Variants in DOCK9 observed in about 807,000 individuals in gnomAD.
The protein encoded by DOCK9 is dedicator of cytokinesis 9.
A neutral mutation model predicts 263.3 loss-of-function variants in DOCK9; 89 were observed. The ratio of observed to expected loss-of-function variants is 0.34; its 90% CI spans 0.28 to 0.40. The LOEUF (loss-of-function observed/expected upper bound fraction) is 0.40. DOCK9 is among the 10% of genes least tolerant of loss of function. The pLI is 1.00. For synonymous variants in DOCK9, 976 were observed against 973.1 expected (o/e 1.00, Z -0.06); for missense variants, 2,140 against 2,603.4 (o/e 0.82, Z 3.87).
At chr13:99,071,749 T>TA (rs1317360527) in intron 1 of DOCK9, among the ~76,000 whole-genome samples, 2 of 152,168 alleles carry the variant, frequency 1.3e-5, no homozygotes, top group African/African-American at 4.8e-5. Flanking sequence ...TTCTATATAG[T>TA]ACCAATCCTT....
chr13:98,909,288 T>A (rs145891503), intron 9 of DOCK9, among the ~76,000 whole-genome samples: 10 of 152,326 alleles, frequency 6.6e-5, no homozygotes, highest in Non-Finnish European at 1.5e-4. Flanking sequence ...TGACACACCC[T>A]GACAAGGTTT....
intron 1 of DOCK9, among the ~76,000 whole-genome samples, chr13:98,997,428 G>A (rs1881308103): frequency 6.6e-6 from 1 of 152,236 alleles, no homozygotes; most frequent in Admixed American, 6.5e-5. Context: ...CCGCACCTCA[G>A]AGTTGCTTTG....
At chr13:99,018,738 A>G (rs1885722993) in intron 1 of DOCK9, among the ~76,000 whole-genome samples, 1 of 152,234 alleles carries the variant, frequency 6.6e-6, no homozygotes. Context: ...GAAAATTACC[A>G]TGAATTTCAT....
chr13:98,901,932 G>C, intron 12 of DOCK9, 32 bp from the exon 13 acceptor site: 1 of 1,605,558 alleles, frequency 6.2e-7, no homozygotes, highest in Middle Eastern at 1.7e-4. Context: ...TCAGTAAGCA[G>C]AATTCACAGC....
intron 1 of DOCK9, among the ~76,000 whole-genome samples, chr13:98,994,168 G>A (rs554700690): frequency 5.3e-5 from 8 of 152,246 alleles, no homozygotes; most frequent in South Asian, 2.1e-4. Flanking sequence ...GGCTGTTGGC[G>A]TGAGTCCCAA....
rs558071529 is a variant in DOCK9, at chr13:98,831,804, C to A, written c.4315-18G>T. On this transcript the variant is annotated intron_variant, in intron 39 of 52. Coordinates refer to ENST00000682017, the MANE Select transcript of DOCK9 (RefSeq NM_001366683.2). ...AGCTGGTTCTTAAAACACACATTGA[C>A]GGCTTTGTTAGACATACCAGTCACC... is the stretch of plus-strand genomic sequence containing the variant. The A allele has an allele frequency of 1.2e-6, 2 of 1,612,142 alleles. No individual in the cohort carries two copies. Among genetic ancestry groups the A allele is most frequent in the African/African-American group, 1.3e-5 (1 of 74,874 alleles).
chr13:98,852,926 A>G (rs538825779), intron 35 of DOCK9, among the ~76,000 whole-genome samples: 5 of 152,304 alleles, frequency 3.3e-5, no homozygotes, highest in East Asian at 3.9e-4. Context: ...CTAAAATAAC[A>G]TATCTCCCAC....
chr13:98,847,691 G>A (rs1336438020), intron 37 of DOCK9: 9 of 152,094 alleles, frequency 5.9e-5, no homozygotes, highest in African/African-American at 1.2e-4. Flanking sequence ...CAAAATTGTC[G>A]ATATATAGAG....
Position 98,885,068 on chromosome 13 carries a change from A to G in DOCK9, c.2285T>C (p.Leu762Pro). 1 of 1,613,644 alleles carries G rather than the reference A, an allele frequency of 6.2e-7. No homozygotes were observed. Among genetic ancestry groups the G allele is most frequent in the Non-Finnish European group, 8.5e-7 (1 of 1,179,778 alleles). Residue 762 changes from leucine (L) to proline (P), a missense_variant, in exon 21 of 53, where the codon CTG becomes CCG. Physicochemically the swap from Leu to Pro is moderately conservative, Grantham distance 98. Transcript: ENST00000682017. The part of the protein sequence containing the change: ...TQVGYSWLPL[L>P]KDGRVVTSEQ... ...GCTTGTCACCACCCTTCCGTCTTTC[A>G]GGAGGGGAAGCCAGGAGTAGCCAAC...
intron 27 of DOCK9, among the ~76,000 whole-genome samples, chr13:98,878,720 A>G (rs1021024434): frequency 1.2e-4 from 19 of 152,242 alleles, no homozygotes; most frequent in Admixed American, 6.5e-4. Context: ...ACTGGATTCA[A>G]AAGAGAGAGA....
At position 98,893,870 on chromosome 13, in the gene DOCK9, C is replaced by T. The variant is rs115150633; in HGVS notation, c.1709+3618G>A. 7.4e-3 allele frequency among the ~76,000 whole-genome samples: 1,123 copies of T among 152,298 alleles called. 17 individuals carry two copies. The highest frequency in any genetic ancestry group is 0.025 in the African/African-American group (1,057 of 41,560). On this transcript the variant is annotated intron_variant, in intron 15 of 52. Transcript: ENST00000682017. The stretch of plus-strand genomic sequence containing the variant: ...TTTGAATACTTATTGAGGAGCGTGG[C>T]CTCACTTATCCTGCTGTGTCTTCTA...
At chr13:98,808,487 T>C (rs1194153406) in intron 47 of DOCK9, among the ~76,000 whole-genome samples, 1 of 152,058 alleles carries the variant, frequency 6.6e-6, no homozygotes, top group Admixed American at 6.5e-5. Flanking sequence ...TTTTTTAAAG[T>C]TTCTCACGTA....
At chr13:98,801,000 G>A (rs939596310) in intron 49 of DOCK9, among the ~76,000 whole-genome samples, 34 of 152,188 alleles carry the variant, frequency 2.2e-4, no homozygotes, top group African/African-American at 8.2e-4. Flanking sequence ...TATTCCTAGG[G>A]TGGGTACAGT....
intron 1 of DOCK9, among the ~76,000 whole-genome samples, chr13:98,961,626 A>G (rs969145411): frequency 1.3e-5 from 2 of 152,148 alleles, no homozygotes; most frequent in African/African-American, 4.8e-5. Flanking sequence ...CTCTCATGAC[A>G]GTCCTCGGCT....
chr13:99,013,608 G>T (rs991370212), intron 1 of DOCK9, among the ~76,000 whole-genome samples: 1 of 152,142 alleles, frequency 6.6e-6, no homozygotes, highest in Non-Finnish European at 1.5e-5. Context: ...CACTGAGAAG[G>T]GGGTCTGAGC....
chr13:98,887,400 C>G (rs140956330), intron 18 of DOCK9, among the ~76,000 whole-genome samples: 1 of 150,450 alleles, frequency 6.6e-6, no homozygotes, highest in Non-Finnish European at 1.5e-5. Context: ...GCAGATCACA[C>G]GGTCAGGAGA....
At chr13:98,938,052 T>C (rs2055188051) in intron 2 of DOCK9, among the ~76,000 whole-genome samples, 4 of 152,156 alleles carry the variant, frequency 2.6e-5, no homozygotes, top group Admixed American at 6.5e-5. Context: ...CTCACTGCTC[T>C]CTCTGCAGCT....
intron 37 of DOCK9, chr13:98,847,471 G>A (rs2093425967): frequency 6.6e-6 from 1 of 152,114 alleles, no homozygotes; most frequent in South Asian, 2.1e-4. Flanking sequence ...ACATTTCAAT[G>A]AAAAATAGAA....
At chr13:98,995,322 AC>A (rs1465574792) in intron 1 of DOCK9, among the ~76,000 whole-genome samples, 1 of 152,174 alleles carries the variant, frequency 6.6e-6, no homozygotes, top group Non-Finnish European at 1.5e-5. Flanking sequence ...AGATGTGCTG[AC>A]CAGGCTTTCT....
Sources: gnomAD v4.1 joint callset for allele counts (sites outside exome capture counted in the v4.1 genomes callset) on GRCh38, gnomAD v4.1.1 for gene constraint, MANE v1.5 for transcripts, NCBI Gene and HGNC (gene_info 2026-07-23, HGNC 2026-07-21) for gene names.